Variants in TRAIP observed in about 807,000 individuals in gnomAD.
The protein encoded by TRAIP is E3 ubiquitin-protein ligase TRAIP.
Under a neutral mutation model 65.0 loss-of-function variants are expected in TRAIP, and 37 were observed. That is an observed-to-expected ratio of 0.57 (90% CI 0.44 to 0.75). TRAIP has a LOEUF of 0.75. Ranked by LOEUF, TRAIP falls within the 30% of genes least tolerant of loss-of-function variation. The pLI is 0.00. For missense variants in TRAIP, 481 were observed against 579.4 expected (o/e 0.83, Z 1.74); for synonymous variants, 187 against 219.1 (o/e 0.85, Z 1.29).
intron 8 of TRAIP, 93 bp downstream of exon 8, chr3:49,840,892 C>G (rs1279278626): frequency 1.7e-6 from 2 of 1,191,128 alleles, no homozygotes; most frequent in Admixed American, 1.7e-5. Context: ...GTCAGCTGTG[C>G]CATCAGGTCC....
intron 11 of TRAIP, among the ~76,000 whole-genome samples, chr3:49,831,221 C>T (rs2081729761): frequency 6.6e-6 from 1 of 152,216 alleles, no homozygotes; most frequent in Non-Finnish European, 1.5e-5. Flanking sequence ...CACTGTCTAG[C>T]ATCTCAGTTT....
chr3:49,850,650 ATT>A (rs869237477), intron 1 of TRAIP, among the ~76,000 whole-genome samples: 12 of 90,680 alleles, frequency 1.3e-4, no homozygotes, highest in Non-Finnish European at 2.3e-4. Flanking sequence ...AATAGTCTGC[ATT>A]TTTTTTTTTT....
At position 49,851,860 on chromosome 3, in the gene TRAIP, C is replaced by A. The variant is rs1206660952; in HGVS notation, c.99-3660G>T. 3.3e-5 allele frequency among the ~76,000 whole-genome samples: 5 copies of A among 151,478 alleles called. No homozygotes were observed. In the East Asian group the frequency reaches 9.9e-4, roughly 30 times the overall value. Reference sequence around the variant, plus strand: ...TAGAGGCGCCCGCCACCATGCCCGGCTAATTTTTTTGTATTTTTAGTAAAG... The same window carrying A: ...TAGAGGCGCCCGCCACCATGCCCGGATAATTTTTTTGTATTTTTAGTAAAG... On this transcript the variant is annotated intron_variant, in intron 1 of 14. Transcript: ENST00000331456.
chr3:49,844,916 C>T (rs2247036), intron 3 of TRAIP, among the ~76,000 whole-genome samples: 73,243 of 152,108 alleles, frequency 0.48, 18,787 homozygotes, highest in African/African-American at 0.62. Flanking sequence ...TTGGCCTCAT[C>T]GCTCTATGTT....
intron 11 of TRAIP, 23 bp downstream of exon 11, chr3:49,831,893 C>G: frequency 3.3e-6 from 5 of 1,526,648 alleles, no homozygotes; most frequent in Non-Finnish European, 4.4e-6. Flanking sequence ...AGCCCATGGA[C>G]AGTGCCAGCG....
chr3:49,856,497 C>G lies in TRAIP; in HGVS notation c.-44G>C. 6.4e-7 allele frequency: 1 copy of G among 1,574,674 alleles called. No individual in the cohort carries two copies. The highest frequency in any genetic ancestry group is 8.7e-7 in the Non-Finnish European group (1 of 1,150,734). ...GCCCAGGCAGCCAAAGAAACTGCTA[C>G]AGGTCCGGCTTCGTAGACGCGCCCC... On this transcript the variant is annotated 5_prime_UTR_variant, in exon 1 of 15. Coordinates refer to ENST00000331456, the MANE Select transcript of TRAIP (RefSeq NM_005879.3).
rs931368222 is a variant in TRAIP, at chr3:49,843,799, A to G, written c.408+2T>C. 6.2e-7 allele frequency: 1 copy of G among 1,612,140 alleles called. No individual in the cohort carries two copies. Among genetic ancestry groups the G allele is most frequent in the Non-Finnish European group, 8.5e-7 (1 of 1,178,290 alleles). On this transcript the variant is annotated splice_donor_variant, in intron 5 of 14. Coordinates refer to ENST00000331456, the MANE Select transcript of TRAIP (RefSeq NM_005879.3). LOFTEE classifies it high-confidence loss of function. Reference sequence around the variant, plus strand: ...CTGTACCCATAAAACCTGAGGACCTACTTTCAGTGTGGAGCACAGCATCTC... The same window carrying G: ...CTGTACCCATAAAACCTGAGGACCTGCTTTCAGTGTGGAGCACAGCATCTC...
At chr3:49,829,590 C>T in intron 13 of TRAIP, 27 bp downstream of exon 13, 1 of 1,614,154 alleles carries the variant, frequency 6.2e-7, no homozygotes, top group Non-Finnish European at 8.5e-7. Flanking sequence ...AGGGCTGGCT[C>T]CTGCCACTGT....
chr3:49,854,687 A>C (rs923224097), intron 1 of TRAIP, among the ~76,000 whole-genome samples: 1 of 152,222 alleles, frequency 6.6e-6, no homozygotes, highest in African/African-American at 2.4e-5. Context: ...CAGTAATTGC[A>C]ACAATTTTAA....
At chr3:49,850,336 T>C (rs1575399627) in intron 1 of TRAIP, among the ~76,000 whole-genome samples, 1 of 151,834 alleles carries the variant, frequency 6.6e-6, no homozygotes. Flanking sequence ...CCGTCTCTAC[T>C]AAAAATAGAA....
chr3:49,847,678 A>C, intron 2 of TRAIP, 70 bp from the exon 3 acceptor site: 1 of 1,103,358 alleles, frequency 9.1e-7, no homozygotes, highest in Non-Finnish European at 1.3e-6. Flanking sequence ...AGTGTTGTAC[A>C]TGGGTCTGAC....
At chr3:49,836,520 A>T (rs2081788445) in intron 10 of TRAIP, among the ~76,000 whole-genome samples, 1 of 151,258 alleles carries the variant, frequency 6.6e-6, no homozygotes, top group Non-Finnish European at 1.5e-5. Flanking sequence ...AAAAGGAAAA[A>T]GAAAAAGAAA....
In TRAIP at chr3:49,839,859, C is replaced by T. The variant is rs762883768; in HGVS notation, c.797G>A (p.Ser266Asn). ...DLQSADKEIM[S>N]LKKKLTMLQE... ...CAGCATCGTTAGCTTCTTTTTCAGG[C>T]TCTTGGGGAGGGAAAGAAAAGTGTG... Residue 266 changes from serine (S) to asparagine (N), a missense_variant and splice_region_variant, in exon 10 of 15, where the codon AGC becomes AAC. Coordinates refer to ENST00000331456, the MANE Select transcript of TRAIP (RefSeq NM_005879.3). The T allele has an allele frequency of 1.2e-6, 2 of 1,614,072 alleles. No homozygotes were observed. Among genetic ancestry groups the T allele is most frequent in the South Asian group, 1.1e-5 (1 of 91,086 alleles).
intron 10 of TRAIP, among the ~76,000 whole-genome samples, chr3:49,835,894 G>A (rs1256247965): frequency 7.3e-5 from 11 of 149,988 alleles, no homozygotes; most frequent in East Asian, 2.0e-4. Flanking sequence ...AGCCGAGATC[G>A]TGCCACTGCA....
At position 49,832,700 on chromosome 3, in the gene TRAIP, C is replaced by CGG. The variant is rs77955232; in HGVS notation, c.885-634_885-633dup. Among the ~76,000 whole-genome samples the CGG allele has an allele frequency of 9.1e-3, 55 of 6,060 alleles. 1 individual carries two copies. Among genetic ancestry groups the CGG allele is most frequent in the Non-Finnish European group, 0.01 (36 of 3,436 alleles). The allele number at this position is 6,060 out of a possible 152,430, so 4.0% of individuals were successfully genotyped here. ...TGAGTGTGTTTTTACTTTTATAACACGGGGGGGGGGGGGGGGTGGGGGGTG... is the reference window on the plus strand; with the variant it reads ...TGAGTGTGTTTTTACTTTTATAACACGGGGGGGGGGGGGGGGGGTGGGGGGTG... On this transcript the variant is annotated intron_variant, in intron 10 of 14. Coordinates refer to ENST00000331456, the MANE Select transcript of TRAIP (RefSeq NM_005879.3).
intron 3 of TRAIP, among the ~76,000 whole-genome samples, chr3:49,845,977 A>G (rs1277066121): frequency 6.6e-6 from 1 of 152,210 alleles, no homozygotes; most frequent in Admixed American, 6.5e-5. Context: ...TAACCCTCAG[A>G]GTCCAGGGAT....
intron 1 of TRAIP, among the ~76,000 whole-genome samples, chr3:49,851,165 G>C (rs1575400082): frequency 6.6e-6 from 1 of 151,888 alleles, no homozygotes; most frequent in East Asian, 1.9e-4. Context: ...TTTTAGTAGA[G>C]ATTTCATCAT....
chr3:49,843,811 G>T lies in TRAIP; in HGVS notation c.398C>A (p.Ser133Tyr), dbSNP rs763467454. The T allele has an allele frequency of 6.2e-7, 1 of 1,613,418 alleles. No homozygotes were observed. The highest frequency in any genetic ancestry group is 1.1e-5 in the South Asian group (1 of 91,068). ...QALGKAEMLC[S>Y]TLKKQMKYLE... is the part of the protein sequence containing the mutation. ...AACCTGAGGACCTACTTTCAGTGTG[G>T]AGCACAGCATCTCGGCCTTGCCCAA... Residue 133 changes from serine to tyrosine, a missense_variant, in exon 5 of 15, where the codon TCC becomes TAC. Physicochemically the swap from Ser to Tyr is moderately radical, Grantham distance 144. Transcript: ENST00000331456.
chr3:49,838,923 G>A (rs1293921645), intron 10 of TRAIP, among the ~76,000 whole-genome samples: 1 of 151,538 alleles, frequency 6.6e-6, no homozygotes, highest in Admixed American at 6.6e-5. Flanking sequence ...GGGCGCAGTG[G>A]CTCACGCCTG....
Sources: gnomAD v4.1 joint callset for allele counts (sites outside exome capture counted in the v4.1 genomes callset) on GRCh38, gnomAD v4.1.1 for gene constraint, MANE v1.5 for transcripts, NCBI Gene and HGNC (gene_info 2026-07-23, HGNC 2026-07-21) for gene names.